The following CLEC16A variants were observed in gnomAD, a reference collection of about 807,000 sequenced individuals.
The protein encoded by CLEC16A is C-type lectin domain containing 16A.
Under a neutral mutation model 109.5 loss-of-function variants are expected in CLEC16A, and 51 were observed. The observed-to-expected ratio is 0.47, with a 90% CI of 0.37 to 0.59. The LOEUF is 0.59. CLEC16A is among the 20% of genes least tolerant of loss of function. The probability of loss-of-function intolerance (pLI) is 0.00; values close to 1 mark genes in which losing one functional copy is unlikely to be tolerated. For missense variants in CLEC16A, 1,339 were observed against 1,394.0 expected (o/e 0.96, Z 0.63); for synonymous variants, 673 against 564.2 (o/e 1.19, Z -2.73).
At chr16:11,151,971 G>A (rs1463211775) in intron 22 of CLEC16A, among the ~76,000 whole-genome samples, 1 of 152,150 alleles carries the variant, frequency 6.6e-6, no homozygotes, top group Non-Finnish European at 1.5e-5. Context: ...GAATGAGGCA[G>A]CAAAGGAATC....
In CLEC16A at chr16:10,961,062, C is replaced by T. The variant is rs1017357511; in HGVS notation, c.210-1393C>T. ...ATGCTAGACCTACCCTGTCAATCCC[C>T]GGGGCAAGATCTAGGTACAGGCATT... is the stretch of plus-strand genomic sequence containing the variant. On this transcript the variant is annotated intron_variant, in intron 2 of 23. Coordinates refer to ENST00000409790, the MANE Select transcript of CLEC16A (RefSeq NM_015226.3). This position sits in a 1 kb window ranked among gnomAD's most constrained non-coding sequence, Gnocchi z 4.3. 1.1e-4 allele frequency among the ~76,000 whole-genome samples: 16 copies of T among 152,136 alleles called. No homozygotes were observed. The highest frequency in any genetic ancestry group is 1.9e-4 in the Non-Finnish European group (13 of 68,030).
chr16:11,127,123 TA>T (rs2052881061), intron 22 of CLEC16A, among the ~76,000 whole-genome samples: 2 of 152,252 alleles, frequency 1.3e-5, no homozygotes, highest in African/African-American at 4.8e-5. Flanking sequence ...TAACTATTGT[TA>T]ACAGTTTCTT....
chr16:11,051,156 G>T (rs2047919009), intron 17 of CLEC16A, among the ~76,000 whole-genome samples: 1 of 152,158 alleles, frequency 6.6e-6, no homozygotes, highest in Non-Finnish European at 1.5e-5. Flanking sequence ...GTGGCAGACG[G>T]GCTTGCACCC....
intron 18 of CLEC16A, 29 bp from the exon 19 acceptor site, chr16:11,060,873 C>G (rs761348736): frequency 1.3e-6 from 2 of 1,573,866 alleles, no homozygotes; most frequent in East Asian, 4.6e-5. Flanking sequence ...CAATCTCACT[C>G]TTCTCTGCTC....
intron 14 of CLEC16A, chr16:11,040,128 C>T (rs944080960): frequency 2.8e-5 from 13 of 461,100 alleles, no homozygotes; most frequent in Non-Finnish European, 4.2e-5. Context: ...CTTCCACACC[C>T]CGCCCTTCTT....
intron 22 of CLEC16A, among the ~76,000 whole-genome samples, chr16:11,146,889 G>A (rs912769900): frequency 6.6e-6 from 1 of 152,128 alleles, no homozygotes; most frequent in Non-Finnish European, 1.5e-5. Flanking sequence ...CAGCCCCTTT[G>A]GAGCTCATGG....
Position 11,178,546 on chromosome 16 carries a change from G to A in CLEC16A, c.3018G>A (p.Ser1006=), listed in dbSNP as rs777759425. 1.9e-6 allele frequency: 3 copies of A among 1,612,628 alleles called. No individual in the cohort carries two copies. The highest frequency in any genetic ancestry group is 1.7e-6 in the Non-Finnish European group (2 of 1,179,826). The change falls in exon 24 of 24, where the codon TCG becomes TCA. Residue 1006 remains serine, a synonymous_variant. Transcript: ENST00000409790. The surrounding 1 kb of genome is among the most constrained non-coding windows in gnomAD (Gnocchi z 6.5). ...CGGCTGACACGCTGAGCGTCGAATC[G>A]CTGACCCTTGTCCCCCCAGTTGACC... is the stretch of plus-strand genomic sequence containing the variant. ...EDTADTLSVE[S]LTLVPPVDPH...
At chr16:11,032,682 A>T (rs1196397976) in intron 13 of CLEC16A, among the ~76,000 whole-genome samples, 1 of 152,208 alleles carries the variant, frequency 6.6e-6, no homozygotes, top group Non-Finnish European at 1.5e-5. Flanking sequence ...GGACCAGCAG[A>T]GCCACAGCCC....
chr16:11,043,972 G>T, intron 15 of CLEC16A, 56 bp from the exon 16 acceptor site: 4 of 1,448,136 alleles, frequency 2.8e-6, no homozygotes, highest in South Asian at 1.3e-5. Context: ...TAGTTTGCCC[G>T]ACTTGCTCAC....
intron 19 of CLEC16A, among the ~76,000 whole-genome samples, chr16:11,108,279 A>G (rs2051345863): frequency 6.6e-6 from 1 of 152,226 alleles, no homozygotes; most frequent in South Asian, 2.1e-4. Flanking sequence ...TCAAGGGTAG[A>G]AGAGAGACAG....
intron 19 of CLEC16A, among the ~76,000 whole-genome samples, chr16:11,081,948 C>T (rs2049744784): frequency 6.6e-6 from 1 of 152,134 alleles, no homozygotes; most frequent in Admixed American, 6.5e-5. Context: ...GGGAGGATCG[C>T]TTGAGCTTGG....
intron 19 of CLEC16A, among the ~76,000 whole-genome samples, chr16:11,095,540 G>A (rs1166967775): frequency 6.6e-6 from 1 of 152,200 alleles, no homozygotes; most frequent in South Asian, 2.1e-4. Context: ...AGCCGGGCAC[G>A]ATGGCTCACG....
intron 22 of CLEC16A, among the ~76,000 whole-genome samples, chr16:11,163,332 CTG>C (rs752674100): frequency 1.3e-5 from 2 of 152,210 alleles, no homozygotes; most frequent in Non-Finnish European, 2.9e-5. Flanking sequence ...CCAAAAGTCA[CTG>C]TGGCTTTCTG....
At chr16:11,159,763 A>G (rs1053855458) in intron 22 of CLEC16A, among the ~76,000 whole-genome samples, 85 of 152,172 alleles carry the variant, frequency 5.6e-4, no homozygotes, top group African/African-American at 2.1e-3. Flanking sequence ...TCAGAGTTAA[A>G]TGGTGACATT....
At chr16:11,153,646 A>G (rs1204040030) in intron 22 of CLEC16A, among the ~76,000 whole-genome samples, 1 of 151,586 alleles carries the variant, frequency 6.6e-6, no homozygotes, top group Non-Finnish European at 1.5e-5. Flanking sequence ...GACGCACATT[A>G]TAGAAAAGGA....
chr16:11,163,675 A>G (rs1892166821), intron 22 of CLEC16A, among the ~76,000 whole-genome samples: 1 of 152,204 alleles, frequency 6.6e-6, no homozygotes, highest in African/African-American at 2.4e-5. Context: ...TGCTGTAATA[A>G]ACCATGGCTT....
intron 19 of CLEC16A, among the ~76,000 whole-genome samples, chr16:11,095,202 C>T (rs1439278315): frequency 6.6e-6 from 1 of 151,260 alleles, no homozygotes; most frequent in Non-Finnish European, 1.5e-5. Context: ...TGTTATGGAA[C>T]GTGGAAAGCC....
intron 3 of CLEC16A, among the ~76,000 whole-genome samples, chr16:10,968,453 A>G (rs1329636612): frequency 1.3e-5 from 2 of 152,222 alleles, no homozygotes. Flanking sequence ...AGTTGACCCC[A>G]GTGCCCTTGG....
intron 5 of CLEC16A, 63 bp downstream of exon 5, chr16:10,971,293 C>G: frequency 8.9e-7 from 1 of 1,125,266 alleles, no homozygotes; most frequent in Non-Finnish European, 1.3e-6. Context: ...CACTCACTCC[C>G]GTGTGTGTGC....
Sources: allele counts gnomAD v4.1 joint callset (sites outside exome capture counted in the v4.1 genomes callset), GRCh38; gene constraint gnomAD v4.1.1; non-coding constraint Gnocchi (gnomAD v3.1); transcripts MANE v1.5; gene names NCBI Gene and HGNC (gene_info 2026-07-23, HGNC 2026-07-21).